Variants in MYZAP observed in about 807,000 individuals in gnomAD.
MYZAP encodes myocardial zonula adherens protein, also known as GRINL1A complex locus upstream.
Under a neutral mutation model 69.4 loss-of-function variants are expected in MYZAP, and 66 were observed. The observed-to-expected ratio is 0.95, with a 90% CI of 0.78 to 1.17. The LOEUF is 1.17. Ranked by LOEUF, MYZAP falls within the 50% of genes most tolerant of loss-of-function variation. The pLI is 0.00. For synonymous variants in MYZAP, 256 were observed against 205.9 expected (o/e 1.24, Z -2.09); for missense variants, 611 against 556.2 (o/e 1.10, Z -0.99).
intron 11 of MYZAP, among the ~76,000 whole-genome samples, chr15:57,674,268 C>G (rs1339976326): frequency 6.6e-6 from 1 of 152,112 alleles, no homozygotes; most frequent in Non-Finnish European, 1.5e-5. Flanking sequence ...TCATTTCCCC[C>G]ATGAGGCAAA....
At chr15:57,660,295 A>T (rs1480700393) in intron 10 of MYZAP, among the ~76,000 whole-genome samples, 1 of 152,090 alleles carries the variant, frequency 6.6e-6, no homozygotes, top group African/African-American at 2.4e-5. Context: ...GAATAGTGTC[A>T]TTTTGCATGA....
chr15:57,593,187 C>CACAT (rs1212452382), intron 1 of MYZAP, among the ~76,000 whole-genome samples: 1 of 123,726 alleles, frequency 8.1e-6, no homozygotes, highest in Non-Finnish European at 1.7e-5. Flanking sequence ...TGTACACAGG[C>CACAT]GCACACACAC....
chr15:57,656,312 TGAGAATATAAA>T (rs1198363580), intron 10 of MYZAP, among the ~76,000 whole-genome samples: 2 of 152,200 alleles, frequency 1.3e-5, no homozygotes, highest in African/African-American at 4.8e-5. Flanking sequence ...ATTTGTTATC[TGAGAATATAAA>T]GATGATCAAA....
At chr15:57,642,548 C>T (rs1452986378) in intron 10 of MYZAP, among the ~76,000 whole-genome samples, 1 of 152,110 alleles carries the variant, frequency 6.6e-6, no homozygotes, top group Admixed American at 6.5e-5. Flanking sequence ...TCTGGAAGCT[C>T]GTCTTCATCA....
intron 11 of MYZAP, among the ~76,000 whole-genome samples, chr15:57,665,166 G>T (rs2038504221): frequency 6.6e-6 from 1 of 152,214 alleles, no homozygotes; most frequent in South Asian, 2.1e-4. Flanking sequence ...TTCACCTTTA[G>T]GTGAACATGA....
intron 4 of MYZAP, among the ~76,000 whole-genome samples, chr15:57,623,802 T>TAAAAAAA (rs60114009): frequency 7.5e-6 from 1 of 132,800 alleles, no homozygotes; most frequent in Admixed American, 7.5e-5. Context: ...AGTTGTAAAT[T>TAAAAAAA]AAAAAAAAAA....
intron 12 of MYZAP, 50 bp downstream of exon 12, chr15:57,675,118 T>A: frequency 2.0e-6 from 3 of 1,495,806 alleles, no homozygotes; most frequent in Non-Finnish European, 2.8e-6. Context: ...CCTCTTTGGC[T>A]GAAGAAAATA....
intron 5 of MYZAP, 124 bp from the exon 6 acceptor site, chr15:57,629,578 C>A: frequency 3.1e-6 from 4 of 1,305,854 alleles, no homozygotes; most frequent in Non-Finnish European, 3.1e-6. Context: ...CCCAGACTGG[C>A]AGTTGCTGTA....
intron 12 of MYZAP, among the ~76,000 whole-genome samples, chr15:57,677,269 A>G (rs2039189364): frequency 6.6e-6 from 1 of 152,214 alleles, no homozygotes; most frequent in South Asian, 2.1e-4. Context: ...GTCAGCTTTT[A>G]GTTTGTTTTG....
At chr15:57,682,018 G>A (rs1282853937) in intron 12 of MYZAP, among the ~76,000 whole-genome samples, 2 of 152,178 alleles carry the variant, frequency 1.3e-5, no homozygotes, top group Non-Finnish European at 2.9e-5. Flanking sequence ...TTGTCATCGT[G>A]TTGGTTGGGA....
intron 6 of MYZAP, among the ~76,000 whole-genome samples, chr15:57,631,068 C>G (rs1416179615): frequency 2.0e-5 from 3 of 152,194 alleles, no homozygotes; most frequent in African/African-American, 7.2e-5. Context: ...ATGTTCACTT[C>G]TAATAGGGCA....
chr15:57,637,611 TC>T (rs1426782028), intron 8 of MYZAP, 83 bp from the exon 9 acceptor site: 24 of 1,463,264 alleles, frequency 1.6e-5, no homozygotes, highest in Non-Finnish European at 2.1e-5. Context: ...AGACTTGGAC[TC>T]CCTAGTGCTA....
chr15:57,668,895 T>TATA (rs1491406509), intron 11 of MYZAP, among the ~76,000 whole-genome samples: 60 of 51,600 alleles, frequency 1.2e-3, no homozygotes, highest in African/African-American at 5.0e-3. Flanking sequence ...TATATATATA[T>TATA]TTTTTTTTTT....
At chr15:57,659,843 T>G (rs1406642367) in intron 10 of MYZAP, among the ~76,000 whole-genome samples, 3 of 152,234 alleles carry the variant, frequency 2.0e-5, no homozygotes, top group Non-Finnish European at 2.9e-5. Flanking sequence ...GTTTATTACA[T>G]AAACCTATGT....
At chr15:57,637,642 C>T in intron 8 of MYZAP, 53 bp from the exon 9 acceptor site, 1 of 1,582,252 alleles carries the variant, frequency 6.3e-7, no homozygotes, top group South Asian at 1.1e-5. Flanking sequence ...AATAGACATT[C>T]TCTGTCAAAC....
At chr15:57,625,688 G>C (rs1463612822) in intron 4 of MYZAP, 91 bp from the exon 5 acceptor site, 1 of 1,128,264 alleles carries the variant, frequency 8.9e-7, no homozygotes, top group African/African-American at 1.5e-5. Flanking sequence ...AGTAGATGTG[G>C]CTTCTAACAG....
At chr15:57,621,734 A>T in intron 4 of MYZAP, 34 bp downstream of exon 4, 1 of 1,608,682 alleles carries the variant, frequency 6.2e-7, no homozygotes, top group East Asian at 2.2e-5. Flanking sequence ...GGAGATAGGG[A>T]GGCATGGCAG....
intron 10 of MYZAP, among the ~76,000 whole-genome samples, chr15:57,643,741 GTT>G (rs76647740): frequency 4.3e-4 from 59 of 136,312 alleles, no homozygotes; most frequent in African/African-American, 1.4e-3. Flanking sequence ...TTTTTTTTTT[GTT>G]TTTTTTTTTT....
intron 12 of MYZAP, among the ~76,000 whole-genome samples, chr15:57,681,199 C>A (rs1177253398): frequency 6.6e-6 from 1 of 152,146 alleles, no homozygotes; most frequent in East Asian, 1.9e-4. Context: ...GCACAAATAG[C>A]CATCTGGCTT....
Sources: gnomAD v4.1 joint callset for allele counts (sites outside exome capture counted in the v4.1 genomes callset) on GRCh38, gnomAD v4.1.1 for gene constraint, MANE v1.5 for transcripts, NCBI Gene and HGNC (gene_info 2026-07-23, HGNC 2026-07-21) for gene names.